COLQ: variants seen among roughly 807,000 people sequenced by gnomAD.
COLQ encodes acetylcholinesterase collagenic tail peptide.
Under a neutral mutation model 69.0 loss-of-function variants are expected in COLQ, and 48 were observed. The observed-to-expected ratio is 0.70, with a 90% CI of 0.55 to 0.88. The LOEUF is 0.88. Ranked by LOEUF, COLQ falls within the 40% of genes least tolerant of loss-of-function variation. The pLI is 0.00. For missense variants in COLQ, 618 were observed against 594.6 expected (o/e 1.04, Z -0.41); for synonymous variants, 217 against 211.2 (o/e 1.03, Z -0.24).
chr3:15,519,482 A>G (rs1416432125), intron 1 of COLQ, among the ~76,000 whole-genome samples: 1 of 152,176 alleles, frequency 6.6e-6, no homozygotes, highest in Non-Finnish European at 1.5e-5. Context: ...AAGGCTCCAA[A>G]TCTGCCTGGG....
chr3:15,479,363 C>A lies in COLQ; in HGVS notation c.341G>T (p.Gly114Val), dbSNP rs746943756. The change falls in exon 4 of 17, where the codon GGC becomes GTC. Residue 114 changes from glycine (G) to valine (V), a missense_variant. Physicochemically the swap from Gly to Val is moderately radical, Grantham distance 109. Coordinates refer to ENST00000383788, the MANE Select transcript of COLQ (RefSeq NM_005677.4). ...CTTTTCTCCCTTTGGTCCTGTCTTG[C>A]CAGGAAGCCCCGGTGGACCCTAATC... Reference protein sequence around the residue: ...PGPQGPPGLPGKTGPKGEKGE... With the variant: ...PGPQGPPGLPVKTGPKGEKGE... The A allele has an allele frequency of 6.2e-7, 1 of 1,614,072 alleles. No homozygotes were observed. The highest frequency in any genetic ancestry group is 1.1e-5 in the South Asian group (1 of 91,074).
chr3:15,485,399 TG>T (rs1217010367), intron 3 of COLQ, among the ~76,000 whole-genome samples: 1 of 152,198 alleles, frequency 6.6e-6, no homozygotes, highest in Non-Finnish European at 1.5e-5. Flanking sequence ...AACTCTGTGC[TG>T]GGAGAACCAC....
Position 15,453,895 on chromosome 3 carries a change from T to G in COLQ, c.1232A>C (p.His411Pro). Residue 411 changes from histidine to proline, a missense_variant, in exon 16 of 17, where the codon CAT (histidine) becomes CCT (proline). Transcript: ENST00000383788. ...GCCGTCACAGTCCTCCACACCCTCA[T>G]GCCGGTGACCATCTCCACAGTAGGC... ...HRAYCGDGHR[H>P]EGVEDCDGSD... The G allele has an allele frequency of 6.2e-7, 1 of 1,611,742 alleles. No individual in the cohort carries two copies. The highest frequency in any genetic ancestry group is 8.5e-7 in the Non-Finnish European group (1 of 1,178,964).
chr3:15,482,180 C>T (rs576668584), intron 3 of COLQ, among the ~76,000 whole-genome samples: 1,766 of 152,332 alleles, frequency 0.012, 34 homozygotes, highest in African/African-American at 0.04. Context: ...TTGACTTCCT[C>T]TTTTCCTAAT....
intron 1 of COLQ, among the ~76,000 whole-genome samples, chr3:15,491,709 G>A (rs1402988227): frequency 2.6e-5 from 4 of 152,190 alleles, no homozygotes; most frequent in African/African-American, 9.7e-5. Context: ...CACGCTGACA[G>A]ACAATTTAAA....
intron 12 of COLQ, among the ~76,000 whole-genome samples, chr3:15,461,189 T>TGGGGGGGGGGGCCCCGCCC: frequency 6.9e-6 from 1 of 144,072 alleles, no homozygotes; most frequent in East Asian, 2.1e-4. Context: ...TTGCCTTTAT[T>TGGGGGGGGGGGCCCCGCCC]CCCCCCCCGA....
At chr3:15,452,360 C>T (rs1285170473) in intron 16 of COLQ, among the ~76,000 whole-genome samples, 1 of 152,172 alleles carries the variant, frequency 6.6e-6, no homozygotes, top group Non-Finnish European at 1.5e-5. Context: ...AGTCACAGTG[C>T]CTGGCCTGAG....
In COLQ at chr3:15,455,873, G is replaced by T. The variant is rs1006677510; in HGVS notation, c.1195+26C>A. The T allele has an allele frequency of 3.7e-6, 6 of 1,613,704 alleles. No homozygotes were observed. The Admixed American group carries it at 6.7e-5, about 18-fold the overall frequency. On this transcript the variant is annotated intron_variant, in intron 15 of 16. Transcript: ENST00000383788. The stretch of plus-strand genomic sequence containing the variant: ...CACCCCCCTGCTGTTCAGGCCTCAG[G>T]TCCTCCTGGTCTGGGCCTCACTCAC...
intron 11 of COLQ, among the ~76,000 whole-genome samples, chr3:15,469,654 T>C (rs568372068): frequency 6.6e-6 from 1 of 152,178 alleles, no homozygotes; most frequent in Admixed American, 6.5e-5. Flanking sequence ...TAAAATCATA[T>C]GGAGCTTAAA....
At chr3:15,471,318 T>C (rs1170583663) in intron 10 of COLQ, among the ~76,000 whole-genome samples, 2 of 152,268 alleles carry the variant, frequency 1.3e-5, no homozygotes, top group Admixed American at 6.5e-5. Context: ...TAAAGCTCTA[T>C]GTTGAACTAT....
At chr3:15,454,651 GTTTTTTTT>G (rs56053367) in intron 15 of COLQ, among the ~76,000 whole-genome samples, 7,635 of 118,102 alleles carry the variant, frequency 0.065, 337 homozygotes, top group African/African-American at 0.13. Context: ...CCCCTGAACT[GTTTTTTTT>G]TTTTTTTTTT....
At chr3:15,479,423 T>G in intron 3 of COLQ, 41 bp from the exon 4 acceptor site, 2 of 1,600,664 alleles carry the variant, frequency 1.2e-6, no homozygotes, top group Non-Finnish European at 1.7e-6. Flanking sequence ...TATATATCAG[T>G]CTGAAGCTGG....
chr3:15,491,543 C>T (rs2062667402), intron 1 of COLQ, among the ~76,000 whole-genome samples: 1 of 152,210 alleles, frequency 6.6e-6, no homozygotes, highest in African/African-American at 2.4e-5. Context: ...AATGGTAGCT[C>T]CGTGCACACA....
chr3:15,480,984 G>C (rs2062474457), intron 3 of COLQ, among the ~76,000 whole-genome samples: 1 of 152,174 alleles, frequency 6.6e-6, no homozygotes, highest in Non-Finnish European at 1.5e-5. Context: ...CTTCTTTTGA[G>C]AAGTGTCTGT....
At chr3:15,478,780 G>C (rs1424541078) in intron 5 of COLQ, 197 bp downstream of exon 5, 3 of 679,238 alleles carry the variant, frequency 4.4e-6, no homozygotes, top group Non-Finnish European at 7.8e-6. Context: ...GCAGTAGCAG[G>C]CTCCTGCTCC....
intron 11 of COLQ, among the ~76,000 whole-genome samples, chr3:15,467,006 C>T (rs1443420332): frequency 6.6e-6 from 1 of 152,256 alleles, no homozygotes; most frequent in African/African-American, 2.4e-5. Context: ...CTTCCCTGAC[C>T]TTCCTGGATG....
chr3:15,479,991 G>T (rs1042548771), intron 3 of COLQ, among the ~76,000 whole-genome samples: 4 of 152,102 alleles, frequency 2.6e-5, no homozygotes, highest in African/African-American at 9.7e-5. Flanking sequence ...TCTAGCTCAG[G>T]GACCCTACAA....
At chr3:15,485,214 A>T (rs2062554561) in intron 3 of COLQ, among the ~76,000 whole-genome samples, 1 of 152,218 alleles carries the variant, frequency 6.6e-6, no homozygotes, top group Admixed American at 6.5e-5. Context: ...CAGAACAGCA[A>T]ATATTGCAGA....
intron 3 of COLQ, among the ~76,000 whole-genome samples, 190 bp from the exon 4 acceptor site, chr3:15,479,572 T>G (rs538266431): frequency 7.5e-4 from 114 of 152,272 alleles, no homozygotes; most frequent in South Asian, 2.5e-3. Context: ...CCTCTTTAGC[T>G]TTCTCTGAGC....
Sources: allele counts gnomAD v4.1 joint callset (sites outside exome capture counted in the v4.1 genomes callset), GRCh38; gene constraint gnomAD v4.1.1; transcripts MANE v1.5; gene names NCBI Gene and HGNC (gene_info 2026-07-23, HGNC 2026-07-21).